The following PPP1R1C variants were observed in gnomAD, a reference collection of about 807,000 sequenced individuals.
PPP1R1C encodes the protein protein phosphatase 1 regulatory subunit 1C.
A neutral mutation model predicts 17.4 loss-of-function variants in PPP1R1C; 15 were observed. The ratio of observed to expected loss-of-function variants is 0.86; its 90% CI spans 0.58 to 1.33. The LOEUF is 1.33. Among genes scored for constraint, PPP1R1C ranks in the 40% most tolerant of loss-of-function variants. The pLI is 0.00. For missense variants in PPP1R1C, 143 were observed against 130.0 expected (o/e 1.10, Z -0.48); for synonymous variants, 35 against 43.1 (o/e 0.81, Z 0.73).
intron 1 of PPP1R1C, among the ~76,000 whole-genome samples, chr2:181,974,896 G>A (rs545151985): frequency 6.6e-6 from 1 of 152,184 alleles, no homozygotes; most frequent in Non-Finnish European, 1.5e-5. Context: ...ATTATTAGGA[G>A]TGCAGTCTTT....
intron 2 of PPP1R1C, among the ~76,000 whole-genome samples, chr2:182,039,278 G>A (rs1477363321): frequency 6.6e-6 from 1 of 152,112 alleles, no homozygotes; most frequent in Admixed American, 6.5e-5. Context: ...TTGATTGAAA[G>A]TGTCATAGAG....
intron 2 of PPP1R1C, among the ~76,000 whole-genome samples, chr2:182,054,885 T>C (rs1687634949): frequency 6.6e-6 from 1 of 152,170 alleles, no homozygotes; most frequent in Non-Finnish European, 1.5e-5. Context: ...GGTCTCGAAC[T>C]CCTGACCTCA....
chr2:181,970,135 GT>G (rs57341368), intron 1 of PPP1R1C, among the ~76,000 whole-genome samples: 8,779 of 143,236 alleles, frequency 0.061, 362 homozygotes, highest in East Asian at 0.15. Flanking sequence ...GCCTTATTTA[GT>G]TTTTTTTTTT....
upstream of PPP1R1C, among the ~76,000 whole-genome samples, chr2:181,983,960 C>T (rs1185999252): frequency 6.6e-6 from 1 of 152,134 alleles, no homozygotes; most frequent in Admixed American, 6.5e-5. Context: ...CTCTGATCAA[C>T]CTATTCAAAA....
At chr2:182,035,462 T>C (rs1486429637) in intron 2 of PPP1R1C, among the ~76,000 whole-genome samples, 2 of 152,206 alleles carry the variant, frequency 1.3e-5, no homozygotes, top group Non-Finnish European at 2.9e-5. Context: ...CTTCTTGGCA[T>C]TTGATATAGT....
intron 1 of PPP1R1C, among the ~76,000 whole-genome samples, chr2:181,971,435 C>T (rs141410666): frequency 6.6e-6 from 1 of 152,240 alleles, no homozygotes; most frequent in African/African-American, 2.4e-5. Context: ...GAGCTGGTAT[C>T]CAAGTTGCAA....
At chr2:181,980,891 G>A (rs1685180297), upstream of PPP1R1C, among the ~76,000 whole-genome samples, 1 of 151,490 alleles carries the variant, frequency 6.6e-6, no homozygotes, top group Non-Finnish European at 1.5e-5. Context: ...AGTTAGTGAA[G>A]ATGAGAACAT....
chr2:182,048,207 T>G (rs147693538), intron 2 of PPP1R1C, among the ~76,000 whole-genome samples: 95 of 152,306 alleles, frequency 6.2e-4, no homozygotes, highest in African/African-American at 2.2e-3. Context: ...TGCATATAAC[T>G]TTATTATTCT....
intron 4 of PPP1R1C, among the ~76,000 whole-genome samples, chr2:182,067,473 T>C (rs1050510487): frequency 2.0e-5 from 3 of 152,032 alleles, no homozygotes; most frequent in African/African-American, 7.2e-5. Flanking sequence ...GTGGCAATAA[T>C]GGCAAGAATA....
intron 2 of PPP1R1C, among the ~76,000 whole-genome samples, chr2:181,998,114 C>A (rs950382953): frequency 5.3e-5 from 8 of 152,162 alleles, no homozygotes; most frequent in Non-Finnish European, 1.2e-4. Context: ...GACTAAGAGC[C>A]TAACCTTAGA....
intron 4 of PPP1R1C, among the ~76,000 whole-genome samples, chr2:182,100,616 T>G (rs936800514): frequency 2.0e-5 from 3 of 151,944 alleles, no homozygotes; most frequent in African/African-American, 7.3e-5. Context: ...GAAAGATTAC[T>G]TGGTCACTTC....
At chr2:182,107,508 C>A (rs146978685) in intron 4 of PPP1R1C, among the ~76,000 whole-genome samples, 1 of 152,116 alleles carries the variant, frequency 6.6e-6, no homozygotes, top group African/African-American at 2.4e-5. Flanking sequence ...AGAGACGGAA[C>A]GAAAAACAAA....
intron 1 of PPP1R1C, chr2:181,975,211 T>C (rs1310663857): frequency 2.0e-5 from 3 of 151,486 alleles, no homozygotes; most frequent in Non-Finnish European, 4.4e-5. Context: ...TTTTTTTTTT[T>C]TTTTTAGAAT....
Position 181,962,292 on chromosome 2 carries a change from G to A in PPP1R1C, n.111+7658G>A, listed in dbSNP as rs532860311. ...AGACCCCCGGCCATCCCCGCGGCCAGGTCCCCGGACCCCATGCCACCCCGG... is the reference window on the plus strand; with the variant it reads ...AGACCCCCGGCCATCCCCGCGGCCAAGTCCCCGGACCCCATGCCACCCCGG... On this transcript the variant is annotated intron_variant and non_coding_transcript_variant, in intron 1 of 5. Transcript: ENST00000464264. The surrounding 1 kb of genome is among the most constrained non-coding windows in gnomAD (Gnocchi z 6.0). 1.3e-5 allele frequency: 10 copies of A among 767,802 alleles called. No individual in the cohort carries two copies. In the African/African-American group the frequency reaches 1.5e-4, roughly 12 times the overall value. The allele number at this position is 767,802 out of a possible 1,614,324, so 47.6% of individuals were successfully genotyped here. A position where few individuals can be genotyped will look rare whatever the true frequency, so the allele number is the denominator to read the frequency against.
intron 2 of PPP1R1C, among the ~76,000 whole-genome samples, chr2:182,035,025 A>G (rs1046141571): frequency 6.6e-6 from 1 of 152,182 alleles, no homozygotes; most frequent in African/African-American, 2.4e-5. Flanking sequence ...TTTTATTCCC[A>G]ATACCTAGCC....
intron 2 of PPP1R1C, among the ~76,000 whole-genome samples, chr2:182,041,590 C>G (rs1365395448): frequency 1.0e-5 from 1 of 97,988 alleles, no homozygotes; most frequent in Non-Finnish European, 1.9e-5. Flanking sequence ...TCTAGGATGA[C>G]AACAGAGAGA....
At chr2:182,061,627 C>T in intron 3 of PPP1R1C, 148 bp downstream of exon 3, 1 of 465,138 alleles carries the variant, frequency 2.1e-6, no homozygotes, top group Non-Finnish European at 3.8e-6. Context: ...AATATAGTGT[C>T]ATTAAAATCT....
intron 2 of PPP1R1C, among the ~76,000 whole-genome samples, chr2:182,030,525 G>GGGGTCA (rs1686788275): frequency 6.7e-6 from 1 of 148,182 alleles, no homozygotes; most frequent in Non-Finnish European, 1.5e-5. Context: ...TAGGCTGCTC[G>GGGGTCA]GGGGTCAGGG....
chr2:182,066,866 G>A (rs576620324), intron 4 of PPP1R1C, among the ~76,000 whole-genome samples: 6 of 152,114 alleles, frequency 3.9e-5, no homozygotes, highest in African/African-American at 1.4e-4. Flanking sequence ...TTGTTGGACT[G>A]CTTGAATCAT....
Sources: allele counts gnomAD v4.1 joint callset (sites outside exome capture counted in the v4.1 genomes callset), GRCh38; gene constraint gnomAD v4.1.1; non-coding constraint Gnocchi (gnomAD v3.1); transcripts MANE v1.5; gene names NCBI Gene and HGNC (gene_info 2026-07-23, HGNC 2026-07-21).